The following SGCZ variants were observed in gnomAD, a reference collection of about 807,000 sequenced individuals.
SGCZ encodes sarcoglycan zeta.
Under a neutral mutation model 41.3 loss-of-function variants are expected in SGCZ, and 40 were observed. The ratio of observed to expected loss-of-function variants is 0.97; its 90% CI spans 0.75 to 1.26. The LOEUF (loss-of-function observed/expected upper bound fraction) is 1.26. Among genes scored for constraint, SGCZ ranks in the 50% most tolerant of loss-of-function variants. The probability of loss-of-function intolerance (pLI) is 0.00; values close to 1 mark genes in which losing one functional copy is unlikely to be tolerated. For missense variants in SGCZ, 552 were observed against 369.8 expected, an observed-to-expected ratio of 1.49 and a Z score of -4.04; for synonymous variants, 206 against 137.5, an observed-to-expected ratio of 1.50 and a Z score of -3.49.
chr8:15,165,098 T>C (rs1276560456), intron 1 of SGCZ, among the ~76,000 whole-genome samples: 2 of 152,102 alleles, frequency 1.3e-5, no homozygotes, highest in Non-Finnish European at 2.9e-5. Flanking sequence ...AAGACCAGCC[T>C]GACCAACATG....
chr8:14,737,808 A>G (rs563380135), intron 1 of SGCZ, among the ~76,000 whole-genome samples: 6 of 152,210 alleles, frequency 3.9e-5, no homozygotes, highest in South Asian at 2.1e-4. Flanking sequence ...CTTTTTTCCA[A>G]ACATGGTCAC....
chr8:14,581,541 C>T (rs999234004), intron 1 of SGCZ, among the ~76,000 whole-genome samples: 6 of 151,874 alleles, frequency 4.0e-5, no homozygotes, highest in Admixed American at 2.6e-4. Flanking sequence ...AAGCCCACAA[C>T]ATTAAGTAAT....
At chr8:14,668,082 G>A (rs1013011466) in intron 1 of SGCZ, among the ~76,000 whole-genome samples, 4 of 152,002 alleles carry the variant, frequency 2.6e-5, no homozygotes, top group African/African-American at 4.8e-5. Flanking sequence ...TCAGCCTCCC[G>A]AGTGGCTGGG....
intron 1 of SGCZ, among the ~76,000 whole-genome samples, chr8:15,061,212 C>T (rs1258268031): frequency 1.3e-5 from 2 of 152,094 alleles, no homozygotes; most frequent in Non-Finnish European, 2.9e-5. Flanking sequence ...GTGATTAAGT[C>T]ATGAAGGCGG....
chr8:14,539,571 G>A lies in SGCZ; in HGVS notation c.234+15161C>T, dbSNP rs774199633. On this transcript the variant is annotated intron_variant, in intron 2 of 7. Coordinates refer to ENST00000382080, the MANE Select transcript of SGCZ (RefSeq NM_139167.4). Reference sequence around the variant, plus strand: ...TTTTTAAACTTATTTTAAGTTCAGGGGTACAAGTACCGGTTTGTTACATAG... The same window carrying A: ...TTTTTAAACTTATTTTAAGTTCAGGAGTACAAGTACCGGTTTGTTACATAG... Among the ~76,000 whole-genome samples, 3 of 151,796 alleles carry A rather than the reference G, an allele frequency of 2.0e-5. No individual in the cohort carries two copies. The Admixed American group carries it at 2.0e-4, about 10-fold the overall frequency.
intron 1 of SGCZ, among the ~76,000 whole-genome samples, chr8:15,183,909 A>G (rs933323487): frequency 6.6e-6 from 1 of 152,166 alleles, no homozygotes; most frequent in Non-Finnish European, 1.5e-5. Flanking sequence ...ATCAAGTGTA[A>G]TTACTACATA....
intron 3 of SGCZ, among the ~76,000 whole-genome samples, chr8:14,245,669 C>G (rs989828319): frequency 5.3e-5 from 8 of 150,938 alleles, no homozygotes. Flanking sequence ...ATACACAAAA[C>G]GGGAGAAAAT....
intron 1 of SGCZ, among the ~76,000 whole-genome samples, chr8:15,148,007 C>T (rs1799082181): frequency 6.6e-6 from 1 of 152,038 alleles, no homozygotes; most frequent in Admixed American, 6.6e-5. Flanking sequence ...CATTGTGGTC[C>T]TGTGGTCCAA....
At chr8:15,228,030 C>T (rs1043375112) in intron 1 of SGCZ, among the ~76,000 whole-genome samples, 1 of 151,802 alleles carries the variant, frequency 6.6e-6, no homozygotes, top group African/African-American at 2.4e-5. Context: ...CACTTTGAGT[C>T]GAAATATGGA....
chr8:14,121,187 G>A (rs994260803), intron 5 of SGCZ, among the ~76,000 whole-genome samples: 1 of 151,812 alleles, frequency 6.6e-6, no homozygotes. Flanking sequence ...ATAAAATTTA[G>A]TATTAACATA....
chr8:14,275,477 C>T (rs2117273980), intron 3 of SGCZ, among the ~76,000 whole-genome samples: 1 of 152,270 alleles, frequency 6.6e-6, no homozygotes, highest in Admixed American at 6.5e-5. Flanking sequence ...CTTCATGTGT[C>T]AAAGGGAGGC....
chr8:14,445,645 G>C (rs889023485), intron 2 of SGCZ, among the ~76,000 whole-genome samples: 15 of 152,032 alleles, frequency 9.9e-5, no homozygotes, highest in Admixed American at 9.2e-4. Flanking sequence ...CATTATCCTT[G>C]GACATCGAAC....
At chr8:14,508,476 C>G (rs773850915) in intron 2 of SGCZ, among the ~76,000 whole-genome samples, 1 of 152,070 alleles carries the variant, frequency 6.6e-6, no homozygotes, top group African/African-American at 2.4e-5. Context: ...AGAGACAGAA[C>G]CCTCGGAGGC....
chr8:14,623,535 G>A (rs1023387327), intron 1 of SGCZ, among the ~76,000 whole-genome samples: 12 of 152,148 alleles, frequency 7.9e-5, no homozygotes, highest in African/African-American at 2.9e-4. Flanking sequence ...TACTTCATGT[G>A]TTTGTAGGCA....
intron 2 of SGCZ, among the ~76,000 whole-genome samples, chr8:14,458,994 A>C (rs894971499): frequency 6.6e-6 from 1 of 152,192 alleles, no homozygotes; most frequent in African/African-American, 2.4e-5. Context: ...CTTGACAGAG[A>C]TTTCATTTGT....
At chr8:14,494,909 C>T (rs1801946968) in intron 2 of SGCZ, among the ~76,000 whole-genome samples, 1 of 152,152 alleles carries the variant, frequency 6.6e-6, no homozygotes, top group South Asian at 2.1e-4. Context: ...GAGAAGGTAG[C>T]ATTATCCTTG....
chr8:14,357,581 G>T (rs909194956), intron 2 of SGCZ, among the ~76,000 whole-genome samples: 2 of 152,076 alleles, frequency 1.3e-5, no homozygotes, highest in Non-Finnish European at 1.5e-5. Context: ...AAAGGGACTC[G>T]CTACCTCCAC....
chr8:14,808,341 G>A (rs2130527867), intron 1 of SGCZ, among the ~76,000 whole-genome samples: 1 of 152,134 alleles, frequency 6.6e-6, no homozygotes, highest in African/African-American at 2.4e-5. Context: ...ATCTGACAAA[G>A]GGCTAATATC....
In SGCZ at chr8:15,073,469, T is replaced by C. The variant is rs141273272; in HGVS notation, c.39+164116A>G. Among the ~76,000 whole-genome samples, 1,066 of 152,264 alleles carry C rather than the reference T, an allele frequency of 7.0e-3. 5 individuals are homozygous for C. The highest frequency in any genetic ancestry group is 7.9e-3 in the Non-Finnish European group (536 of 68,024). Reference sequence around the variant, plus strand: ...GAAAATGCAAGTCATGATGCTTACATTTATGTGTCAGCCTGGCTAGGCTAC... The same window carrying C: ...GAAAATGCAAGTCATGATGCTTACACTTATGTGTCAGCCTGGCTAGGCTAC... On this transcript the variant is annotated intron_variant, in intron 1 of 7. Transcript: ENST00000382080.
Sources: allele counts gnomAD v4.1 joint callset (sites outside exome capture counted in the v4.1 genomes callset), GRCh38; gene constraint gnomAD v4.1.1; transcripts MANE v1.5; gene names NCBI Gene and HGNC (gene_info 2026-07-23, HGNC 2026-07-21).